Variants in FGF3 observed in about 807,000 individuals in gnomAD.
The protein encoded by FGF3 is fibroblast growth factor 3, also known as FGF-3.
Under a neutral mutation model 9.8 loss-of-function variants are expected in FGF3, and 7 were observed. The observed-to-expected ratio is 0.72, with a 90% CI of 0.41 to 1.35. The LOEUF is 1.35. Ranked by LOEUF, FGF3 falls within the 40% of genes most tolerant of loss-of-function variation. The probability of loss-of-function intolerance (pLI) is 0.01; values close to 1 mark genes in which losing one functional copy is unlikely to be tolerated. For missense variants in FGF3, 390 were observed against 345.6 expected, an observed-to-expected ratio of 1.13 and a Z score of -1.02; for synonymous variants, 173 against 157.2, an observed-to-expected ratio of 1.10 and a Z score of -0.75.
At chr11:69,811,638 G>A (rs1856033278) in intron 2 of FGF3, among the ~76,000 whole-genome samples, 1 of 152,162 alleles carries the variant, frequency 6.6e-6, no homozygotes, top group Non-Finnish European at 1.5e-5. Context: ...TTAAGCTGGA[G>A]GATCTCGCCT....
Position 69,810,584 on chromosome 11 carries a change from G to C in FGF3, c.441C>G (p.Pro147=). 1.9e-6 allele frequency: 3 copies of C among 1,611,646 alleles called. No homozygotes were observed. Among genetic ancestry groups the C allele is most frequent in the Non-Finnish European group, 2.5e-6 (3 of 1,178,856 alleles). ...VSSTPGARRQ[P]SAERLWYVSV... ...ACACGTACCACAGTCTCTCGGCGCT[G>C]GGCTGCCGGCGGGCCCCAGGCGTAC... The change falls in exon 3 of 3, where the codon CCC becomes CCG. Residue 147 remains proline (P), a synonymous_variant. Coordinates refer to ENST00000334134, the MANE Select transcript of FGF3 (RefSeq NM_005247.4).
At chr11:69,817,481 T>A (rs12363691) in intron 1 of FGF3, 49,044 of 152,204 alleles carry the variant, frequency 0.32, 8,055 homozygotes, top group East Asian at 0.42. Context: ...GTGAGCAGCC[T>A]ACACCAAGAA....
chr11:69,810,339 C>T lies in FGF3; in HGVS notation c.686G>A (p.Arg229Lys), dbSNP rs782554596. 6.4e-7 allele frequency: 1 copy of T among 1,568,616 alleles called. No homozygotes were observed. The highest frequency in any genetic ancestry group is 8.7e-7 in the Non-Finnish European group (1 of 1,151,798). Residue 229 changes from arginine to lysine, a missense_variant, in exon 3 of 3, where the codon AGA becomes AAA. Transcript: ENST00000334134. ...ACTGGCCTCCAGCTGGGAGCCCAGT[C>T]TCGAAGCCTGAACGTGAGAGGGCTC... is the stretch of plus-strand genomic sequence containing the variant. ...NLEPSHVQAS[R>K]LGSQLEASAH is the part of the protein sequence containing the mutation.
At chr11:69,811,533 A>AG (rs367587765) in intron 2 of FGF3, among the ~76,000 whole-genome samples, 44 of 152,204 alleles carry the variant, frequency 2.9e-4, no homozygotes, top group African/African-American at 9.4e-4. Context: ...CAGGAAGGGA[A>AG]GGGGACACAG....
rs2119929808 is a variant in FGF3 at position 69,816,335 on chromosome 11, T to A, written c.309A>T (p.Gly103=). 1 of 1,613,696 alleles carries A rather than the reference T, an allele frequency of 6.2e-7. No individual in the cohort carries two copies. Among genetic ancestry groups the A allele is most frequent in the East Asian group, 2.2e-5 (1 of 44,852 alleles). Residue 103 remains glycine (G), a synonymous_variant, in exon 2 of 3, where the codon GGA becomes GGT. Transcript: ENST00000334134. The part of the protein sequence containing the change: ...SGRYLAMNKR[G]RLYASEHYSA... Reference sequence around the variant, plus strand: ...CTGGACTCACCGAAGCATAGAGTCGTCCCCTCTTGTTCATGGCCAGGTACC... The same window carrying A: ...CTGGACTCACCGAAGCATAGAGTCGACCCCTCTTGTTCATGGCCAGGTACC...
chr11:69,818,801 G>A lies in FGF3; in HGVS notation c.133C>T (p.Arg45Cys), dbSNP rs782297586. 7.4e-6 allele frequency: 11 copies of A among 1,491,336 alleles called. No homozygotes were observed. The highest frequency in any genetic ancestry group is 2.2e-5 in the Admixed American group (1 of 45,320). The allele number at this position is 1,491,336 out of a possible 1,614,324, so 92.4% of individuals were successfully genotyped here. A position where few individuals can be genotyped will look rare whatever the true frequency, so the allele number is the denominator to read the frequency against. Residue 45 changes from arginine to cysteine, a missense_variant, in exon 1 of 3, where the codon CGC (arginine) becomes TGC (cysteine). Arg to Cys is a radical substitution (Grantham distance 180, BLOSUM62 -3). Transcript: ENST00000334134. ...TTCGTGGCGCAGTAGAGCTTGCGGCGCCGGGGCGCCCCGCCAAGGTGCTCG... is the reference window on the plus strand; with the variant it reads ...TTCGTGGCGCAGTAGAGCTTGCGGCACCGGGGCGCCCCGCCAAGGTGCTCG... ...VYEHLGGAPR[R>C]RKLYCATKYH...
intron 1 of FGF3, among the ~76,000 whole-genome samples, chr11:69,818,365 G>A (rs1483318346): frequency 2.0e-5 from 3 of 152,112 alleles, no homozygotes; most frequent in Non-Finnish European, 4.4e-5. Context: ...GGAGCCCCGG[G>A]GTCGCCTAGC....
At chr11:69,813,840 CTGGT>C (rs201497912) in intron 2 of FGF3, among the ~76,000 whole-genome samples, 2 of 35,690 alleles carry the variant, frequency 5.6e-5, no homozygotes, top group African/African-American at 1.2e-4. Flanking sequence ...GGGTGGATGG[CTGGT>C]TGGATGGATG....
chr11:69,812,214 C>G (rs1565114255), intron 2 of FGF3, among the ~76,000 whole-genome samples: 1 of 152,096 alleles, frequency 6.6e-6, no homozygotes, highest in Non-Finnish European at 1.5e-5. Context: ...ATGGTCTGTC[C>G]CCATCTGGGG....
intron 2 of FGF3, among the ~76,000 whole-genome samples, chr11:69,813,350 G>A (rs966707490): frequency 2.0e-5 from 3 of 152,212 alleles, no homozygotes; most frequent in Admixed American, 2.0e-4. Context: ...GGGAGCAGAT[G>A]GCACCTGGGC....
Position 69,819,084 on chromosome 11 carries a change from A to G in FGF3, c.-151T>C. 1 of 357,934 alleles carries G rather than the reference A, an allele frequency of 2.8e-6. No individual in the cohort carries two copies. The allele number at this position is 357,934 out of a possible 1,614,324, so 22.2% of individuals were successfully genotyped here. A position where few individuals can be genotyped will look rare whatever the true frequency, so the allele number is the denominator to read the frequency against. On this transcript the variant is annotated 5_prime_UTR_variant, in exon 1 of 3. Transcript: ENST00000334134. Reference sequence around the variant, plus strand: ...GGCTTCGCGGGAAAGGTGGGGGAAGAAGGGGGAAGGGTGGGCGAGAGAGAG... The same window carrying G: ...GGCTTCGCGGGAAAGGTGGGGGAAGGAGGGGGAAGGGTGGGCGAGAGAGAG...
In FGF3 at chr11:69,810,700, C is replaced by T. The variant is rs1052333347; in HGVS notation, c.325G>A (p.Glu109Lys). Residue 109 changes from glutamate (E) to lysine (K), a missense_variant and splice_region_variant, in exon 3 of 3, where the codon GAG becomes AAG. By Grantham distance (56) the Glu-to-Lys change is moderately conservative. Transcript: ENST00000334134. ...MNKRGRLYASEHYSAECEFVE... is the reference protein window; with the variant it reads ...MNKRGRLYASKHYSAECEFVE... ...AACTCGCACTCGGCGCTGTAGTGCT[C>T]CTGCGGGGATGAGATATCATGGTCA... 78 of 1,575,532 alleles carry T rather than the reference C, an allele frequency of 5.0e-5. No homozygotes were observed. The highest frequency in any genetic ancestry group is 6.2e-5 in the Non-Finnish European group (72 of 1,157,080).
Position 69,810,136 on chromosome 11 carries a change from A to G in FGF3, c.*169T>C, listed in dbSNP as rs1391843338. The G allele has an allele frequency of 1.5e-6, 1 of 648,600 alleles. No homozygotes were observed. Among genetic ancestry groups the G allele is most frequent in the African/African-American group, 1.8e-5 (1 of 54,502 alleles). The allele number at this position is 648,600 out of a possible 1,614,324, so 40.2% of individuals were successfully genotyped here. A position where few individuals can be genotyped will look rare whatever the true frequency, so the allele number is the denominator to read the frequency against. On this transcript the variant is annotated 3_prime_UTR_variant, in exon 3 of 3. Coordinates refer to ENST00000334134, the MANE Select transcript of FGF3 (RefSeq NM_005247.4). ...TGCAGGCAGCCCCCTCCGAGCTCCGACTTGGGCCCTCTTCAGTTCCCACTG... is the reference window on the plus strand; with the variant it reads ...TGCAGGCAGCCCCCTCCGAGCTCCGGCTTGGGCCCTCTTCAGTTCCCACTG...
rs1373081930 is a variant in FGF3, at chr11:69,819,312, T to C, written c.-379A>G. Among the ~76,000 whole-genome samples the C allele has an allele frequency of 6.8e-6, 1 of 147,982 alleles. No homozygotes were observed. The highest frequency in any genetic ancestry group is 2.5e-5 in the African/African-American group (1 of 39,904). On this transcript the variant is annotated 5_prime_UTR_variant, in exon 1 of 3. Transcript: ENST00000334134. ...GTGGGGAGCCCCGCGGGGCTCGGGG[T>C]TCGGGCCGGGCGCCGTCTGCATACA... is the stretch of plus-strand genomic sequence containing the variant.
At chr11:69,815,690 C>A (rs1188346436) in intron 2 of FGF3, among the ~76,000 whole-genome samples, 1 of 152,070 alleles carries the variant, frequency 6.6e-6, no homozygotes, top group Non-Finnish European at 1.5e-5. Flanking sequence ...TCTGTGTATT[C>A]CCCACCCCTA....
chr11:69,813,876 ATGGATGGATGGGTGGATGGC>A (rs1856081965), intron 2 of FGF3, among the ~76,000 whole-genome samples: 2 of 138,304 alleles, frequency 1.4e-5, no homozygotes. Flanking sequence ...GGATAGGTGG[ATGGATGGATGGGTGGATGGC>A]TGGATGGATG....
At chr11:69,812,654 C>T (rs781910760) in intron 2 of FGF3, among the ~76,000 whole-genome samples, 10 of 152,132 alleles carry the variant, frequency 6.6e-5, no homozygotes, top group Non-Finnish European at 1.2e-4. Flanking sequence ...GGCTCAGGGC[C>T]GACTTCCCCA....
At chr11:69,816,292 G>A (rs782267521) in intron 2 of FGF3, 28 bp downstream of exon 2, 161 of 1,538,990 alleles carry the variant, frequency 1.0e-4, no homozygotes, top group Non-Finnish European at 1.4e-4. Context: ...CTCCGTCAGC[G>A]CCCACCCACG....
intron 1 of FGF3, among the ~76,000 whole-genome samples, 179 bp downstream of exon 1, chr11:69,818,535 C>T (rs1217006661): frequency 1.3e-5 from 2 of 151,602 alleles, no homozygotes; most frequent in Non-Finnish European, 2.9e-5. Context: ...TGGCATTCCC[C>T]TTCTGGCAGC....
Sources: gnomAD v4.1 joint callset for allele counts (sites outside exome capture counted in the v4.1 genomes callset) on GRCh38, gnomAD v4.1.1 for gene constraint, MANE v1.5 for transcripts, NCBI Gene and HGNC (gene_info 2026-07-23, HGNC 2026-07-21) for gene names.